The following JADE2 variants were observed in gnomAD, a reference collection of about 807,000 sequenced individuals.
JADE2 encodes the protein jade family PHD finger 2.
JADE2 carries 13 observed loss-of-function variants against 85.7 expected under a neutral mutation model. The ratio of observed to expected loss-of-function variants is 0.15; its 90% confidence interval spans 0.10 to 0.24. The LOEUF is 0.24. Ranked by LOEUF, JADE2 falls within the 10% of genes least tolerant of loss-of-function variation. The pLI, the probability that JADE2 is intolerant of heterozygous loss-of-function variation, is 1.00. For missense variants in JADE2, 846 were observed against 1,115.9 expected (o/e 0.76, Z 3.45); for synonymous variants, 440 against 456.1 (o/e 0.96, Z 0.45).
At chr5:134,558,602 G>C (rs188015876) in intron 4 of JADE2, among the ~76,000 whole-genome samples, 73 of 152,342 alleles carry the variant, frequency 4.8e-4, no homozygotes, top group Non-Finnish European at 5.9e-4. Context: ...GCAGTGGCAC[G>C]ATCTCTGCTC....
chr5:134,526,524 C>G lies in JADE2; in HGVS notation c.-1+513C>G, dbSNP rs955904424. On this transcript the variant is annotated intron_variant, in intron 1 of 11. Coordinates refer to ENST00000681547, the MANE Select transcript of JADE2 (RefSeq NM_001388185.1). ...CGAGTTTCATTTTGTTGATACGCAG[C>G]ACGTCCGGGCGCCGAACCGGGCTGA... 3.0e-6 allele frequency: 3 copies of G among 985,248 alleles called. No homozygotes were observed. The African/African-American group carries it at 5.2e-5, about 17-fold the overall frequency. 61.0% of individuals were successfully genotyped at this position (985,248 alleles called of 1,614,324 possible).
At chr5:134,560,079 C>CTATGG in intron 5 of JADE2, 89 bp downstream of exon 5, 1 of 1,451,786 alleles carries the variant, frequency 6.9e-7, no homozygotes, top group African/African-American at 1.4e-5. Context: ...CCAGGCAGGG[C>CTATGG]TATGGTATGG....
rs1392928775 is a variant in JADE2 at position 134,559,960 on chromosome 5, G to A, written c.442G>A (p.Glu148Lys). ...GGACGAGATTGATGCCTACTGGCTG[G>A]AGCTCATCAACTCGGAGCTTAAGGA... ...DLDEIDAYWL[E>K]LINSELKEME... The change falls in exon 5 of 12, where the codon GAG becomes AAG. Residue 148 changes from glutamate to lysine, a missense_variant. By Grantham distance (56) the Glu-to-Lys change is moderately conservative (BLOSUM62 1). Around this residue, in one of 9 missense-constraint regions of JADE2, gnomAD observed 78 missense variants for 64.9 expected, o/e 1.20. Transcript: ENST00000681547. 1 of 1,614,156 alleles carries A rather than the reference G, an allele frequency of 6.2e-7. No individual in the cohort carries two copies.
chr5:134,551,529 C>CTT (rs572386911), intron 3 of JADE2, among the ~76,000 whole-genome samples: 10 of 142,966 alleles, frequency 7.0e-5, no homozygotes, highest in African/African-American at 2.6e-4. Flanking sequence ...TTGCCTGGCC[C>CTT]TTTTTTTTTT....
chr5:134,576,960 T>C, intron 11 of JADE2, 64 bp downstream of exon 11: 2 of 1,478,964 alleles, frequency 1.4e-6, no homozygotes, highest in East Asian at 5.0e-5. Context: ...CTTGCAGCTC[T>C]GTCTGCCCTG....
At chr5:134,538,174 C>T (rs902276444) in intron 3 of JADE2, 91 bp downstream of exon 3, 21 of 1,043,840 alleles carry the variant, frequency 2.0e-5, no homozygotes, top group African/African-American at 6.3e-5. Flanking sequence ...GCAGAGGGCA[C>T]GGGCAGTGCA....
chr5:134,577,068 C>T, intron 11 of JADE2, 172 bp downstream of exon 11: 1 of 689,064 alleles, frequency 1.5e-6, no homozygotes. Flanking sequence ...ACAAAGGAGA[C>T]AGATCTCAGA....
chr5:134,560,123 C>T, intron 5 of JADE2, 133 bp downstream of exon 5: 3 of 996,844 alleles, frequency 3.0e-6, no homozygotes, highest in Non-Finnish European at 4.5e-6. Flanking sequence ...TACTGCATTA[C>T]TGAATGGGGA....
intron 3 of JADE2, among the ~76,000 whole-genome samples, chr5:134,547,996 A>G (rs776964630): frequency 5.3e-5 from 8 of 152,288 alleles, no homozygotes; most frequent in Admixed American, 1.3e-4. Context: ...CTGAGACCTT[A>G]AGGATGAAGT....
intron 11 of JADE2, 176 bp downstream of exon 11, chr5:134,577,072 T>A (rs570739974): frequency 7.4e-6 from 5 of 672,336 alleles, no homozygotes; most frequent in Middle Eastern, 8.5e-4. Flanking sequence ...AGGAGACAGA[T>A]CTCAGAGCCC....
intron 8 of JADE2, among the ~76,000 whole-genome samples, chr5:134,565,268 G>T (rs1406315901): frequency 6.6e-6 from 1 of 152,208 alleles, no homozygotes. Context: ...CGTTAGTTGT[G>T]CCTTCACCCA....
rs1764746313 is a variant in JADE2 at position 134,582,239 on chromosome 5, T to G, written c.*2922T>G. On this transcript the variant is annotated 3_prime_UTR_variant, in exon 12 of 12. Transcript: ENST00000681547. ...TTGAAACAAATGAGAAGAAGAAAGG[T>G]AGAAGGGTTTATTTTATTAAATGAG... 6.6e-6 allele frequency: 1 copy of G among 152,168 alleles called. No homozygotes were observed. The allele number at this position is 152,168 out of a possible 1,614,324, so 9.4% of individuals were successfully genotyped here. A position where few individuals can be genotyped will look rare whatever the true frequency, so the allele number is the denominator to read the frequency against.
intron 6 of JADE2, among the ~76,000 whole-genome samples, chr5:134,561,413 G>A (rs2569343): frequency 0.42 from 63,815 of 152,154 alleles, 13,966 homozygotes; most frequent in Non-Finnish European, 0.47. Flanking sequence ...ATTGTTGCAC[G>A]GATTAAATTG....
intron 1 of JADE2, among the ~76,000 whole-genome samples, chr5:134,528,957 T>C (rs1476866486): frequency 6.6e-6 from 1 of 152,214 alleles, no homozygotes; most frequent in African/African-American, 2.4e-5. Context: ...CACTTAGCTT[T>C]CATGGACTGG....
intron 1 of JADE2, among the ~76,000 whole-genome samples, chr5:134,533,025 G>T (rs1447732482): frequency 6.6e-6 from 1 of 152,204 alleles, no homozygotes; most frequent in Non-Finnish European, 1.5e-5. Flanking sequence ...TAGGCACTCT[G>T]GGGTGTTTTG....
Position 134,562,092 on chromosome 5 carries a change from T to C in JADE2, c.685-108T>C. 9.4e-7 allele frequency: 1 copy of C among 1,067,000 alleles called. No homozygotes were observed. Among genetic ancestry groups the C allele is most frequent in the Non-Finnish European group, 1.3e-6 (1 of 748,702 alleles). The allele number at this position is 1,067,000 out of a possible 1,614,324, so 66.1% of individuals were successfully genotyped here. On this transcript the variant is annotated intron_variant, in intron 6 of 11. Transcript: ENST00000681547. The surrounding 1 kb of genome is among the most constrained non-coding windows in gnomAD (Gnocchi z 4.6). ...GTTGTACGTGCCAGAGATGGGAGGC[T>C]GTGTAGCAGTGTAGCATGGGGCTGG... is the stretch of plus-strand genomic sequence containing the variant.
chr5:134,579,382 C>G lies in JADE2; in HGVS notation c.*65C>G. On this transcript the variant is annotated 3_prime_UTR_variant, in exon 12 of 12. Transcript: ENST00000681547. This position sits in a 1 kb window ranked among gnomAD's most constrained non-coding sequence, Gnocchi z 4.6. ...CCACAAGGCCTCAGCCCAGTCACAA[C>G]TGCCATTTCCAGTCTCTGCTGAGTG... is the stretch of plus-strand genomic sequence containing the variant. The G allele has an allele frequency of 7.7e-7, 1 of 1,290,632 alleles. No individual in the cohort carries two copies. Among genetic ancestry groups the G allele is most frequent in the Non-Finnish European group, 1.0e-6 (1 of 952,788 alleles). 79.9% of individuals were successfully genotyped at this position (1,290,632 alleles called of 1,614,324 possible). A position where few individuals can be genotyped will look rare whatever the true frequency, so the allele number is the denominator to read the frequency against.
chr5:134,578,589 G>A lies in JADE2; in HGVS notation c.1777G>A (p.Glu593Lys), dbSNP rs1561768606. ...CACAGCAGAGAACATGGCCATGAGC[G>A]AGTGGCCACTGAACAATGGGCACCG... is the stretch of plus-strand genomic sequence containing the variant. ...QITAENMAMS[E>K]WPLNNGHRED... The change falls in exon 12 of 12, where the codon GAG (glutamate) becomes AAG (lysine). Residue 593 changes from glutamate (E) to lysine (K), a missense_variant. This residue lies in a region of JADE2 where 119 missense variants were observed against 163.9 expected (regional missense o/e 0.73). Transcript: ENST00000681547. This position sits in a 1 kb window ranked among gnomAD's most constrained non-coding sequence, Gnocchi z 4.4. 1.2e-6 allele frequency: 2 copies of A among 1,613,958 alleles called. No individual in the cohort carries two copies. The highest frequency in any genetic ancestry group is 1.7e-6 in the Non-Finnish European group (2 of 1,179,980).
At chr5:134,559,127 A>G (rs892265311) in intron 4 of JADE2, among the ~76,000 whole-genome samples, 5 of 152,290 alleles carry the variant, frequency 3.3e-5, no homozygotes, top group Admixed American at 6.5e-5. Context: ...CACTGCTCAC[A>G]TGACATTGTA....
Sources: allele counts gnomAD v4.1 joint callset (sites outside exome capture counted in the v4.1 genomes callset), GRCh38; gene constraint gnomAD v4.1.1; regional missense constraint gnomAD v4.1.1; non-coding constraint Gnocchi (gnomAD v3.1); transcripts MANE v1.5; gene names NCBI Gene and HGNC (gene_info 2026-07-23, HGNC 2026-07-21).